OXR1: variants seen among roughly 807,000 people sequenced by gnomAD.
The protein encoded by OXR1 is oxidation resistance 1.
Under a neutral mutation model 104.6 loss-of-function variants are expected in OXR1, and 41 were observed. That is an observed-to-expected ratio of 0.39 (90% CI 0.31 to 0.51). The LOEUF (loss-of-function observed/expected upper bound fraction) is 0.51, where lower values mean the gene tolerates loss of function less well. Ranked by LOEUF, OXR1 falls within the 20% of genes least tolerant of loss-of-function variation. OXR1 has a pLI of 0.77. For synonymous variants in OXR1, 348 were observed against 348.4 expected (o/e 1.00, Z 0.01); for missense variants, 955 against 1,031.9 (o/e 0.93, Z 1.02).
intron 3 of OXR1, among the ~76,000 whole-genome samples, chr8:106,530,386 T>C (rs1563584408): frequency 1.3e-5 from 2 of 152,146 alleles, no homozygotes; most frequent in Admixed American, 6.5e-5. Flanking sequence ...CAGCCTTGAA[T>C]TCCTGGGCGC....
chr8:106,291,221 T>C (rs1210701979), intron 1 of OXR1, among the ~76,000 whole-genome samples: 1 of 152,138 alleles, frequency 6.6e-6, no homozygotes, highest in African/African-American at 2.4e-5. Flanking sequence ...CACTTATAAA[T>C]TGGAGCTAAA....
intron 9 of OXR1, among the ~76,000 whole-genome samples, chr8:106,709,595 G>A (rs912693854): frequency 6.7e-5 from 10 of 148,704 alleles, no homozygotes; most frequent in Admixed American, 4.0e-4. Flanking sequence ...TGTTGTGGGG[G>A]TTGGGGGTTT....
chr8:106,691,180 A>C (rs920435198), intron 6 of OXR1, among the ~76,000 whole-genome samples: 1 of 151,962 alleles, frequency 6.6e-6, no homozygotes, highest in Non-Finnish European at 1.5e-5. Context: ...ATGAGGCTAG[A>C]TAGATAGATA....
Position 106,684,366 on chromosome 8 carries a change from A to T in OXR1, c.525+7A>T, listed in dbSNP as rs764565606. Reference sequence around the variant, plus strand: ...TGAATTTGATAAGACCACTGTAAGTATCTCTGCTTTGCAAAGATGGCGATG... The same window carrying T: ...TGAATTTGATAAGACCACTGTAAGTTTCTCTGCTTTGCAAAGATGGCGATG... On this transcript the variant is annotated splice_region_variant and intron_variant, in intron 6 of 16. Coordinates refer to ENST00000517566, the MANE Select transcript of OXR1 (RefSeq NM_001198533.2). The T allele has an allele frequency of 9.5e-6, 13 of 1,369,420 alleles. No individual in the cohort carries two copies. Among genetic ancestry groups the T allele is most frequent in the Non-Finnish European group, 1.4e-5 (13 of 958,388 alleles). The allele number at this position is 1,369,420 out of a possible 1,614,324, so 84.8% of individuals were successfully genotyped here.
Position 106,694,438 on chromosome 8 carries a change from A to G in OXR1, c.675+1561A>G, listed in dbSNP as rs185984333. On this transcript the variant is annotated intron_variant, in intron 7 of 16. Coordinates refer to ENST00000517566, the MANE Select transcript of OXR1 (RefSeq NM_001198533.2). Reference sequence around the variant, plus strand: ...TTATATATATATTTAATATATATAAATATATTTTTATATATATTTGATATA... The same window carrying G: ...TTATATATATATTTAATATATATAAGTATATTTTTATATATATTTGATATA... 2.2e-3 allele frequency among the ~76,000 whole-genome samples: 308 copies of G among 137,654 alleles called. 1 individual carries two copies. Among genetic ancestry groups the G allele is most frequent in the African/African-American group, 7.8e-3 (291 of 37,096 alleles). 90.3% of individuals were successfully genotyped at this position (137,654 alleles called of 152,430 possible). A position where few individuals can be genotyped will look rare whatever the true frequency, so the allele number is the denominator to read the frequency against.
At chr8:106,561,698 T>C (rs892207731) in intron 3 of OXR1, among the ~76,000 whole-genome samples, 1 of 152,102 alleles carries the variant, frequency 6.6e-6, no homozygotes, top group African/African-American at 2.4e-5. Flanking sequence ...CTCCCAGCAA[T>C]GGTCGACAGA....
At chr8:106,403,286 T>A (rs1020634085) in intron 2 of OXR1, among the ~76,000 whole-genome samples, 1 of 152,242 alleles carries the variant, frequency 6.6e-6, no homozygotes, top group Non-Finnish European at 1.5e-5. Context: ...TCTACAAGAC[T>A]CAGCGTATTC....
At chr8:106,304,972 A>G (rs1813412797) in intron 1 of OXR1, among the ~76,000 whole-genome samples, 1 of 152,156 alleles carries the variant, frequency 6.6e-6, no homozygotes. Flanking sequence ...TGGTTGAGAA[A>G]AAGTATAAAT....
chr8:106,493,665 C>T (rs78122859), intron 2 of OXR1, among the ~76,000 whole-genome samples: 2,850 of 152,292 alleles, frequency 0.019, 38 homozygotes, highest in Middle Eastern at 0.034. Flanking sequence ...CCTGAGATTT[C>T]ACTATCTTCC....
chr8:106,487,346 T>TTTTA (rs2129810963), intron 2 of OXR1, among the ~76,000 whole-genome samples: 1 of 150,986 alleles, frequency 6.6e-6, no homozygotes, highest in South Asian at 2.1e-4. Flanking sequence ...TTTCTTTTTT[T>TTTTA]TTTTTTTTTA....
chr8:106,376,176 T>G (rs1015298787), intron 2 of OXR1, among the ~76,000 whole-genome samples: 46 of 152,338 alleles, frequency 3.0e-4, no homozygotes, highest in African/African-American at 1.1e-3. Context: ...GAATTAGCGC[T>G]GTGGCTCATT....
At chr8:106,510,959 T>C (rs1812483845) in intron 2 of OXR1, among the ~76,000 whole-genome samples, 2 of 152,234 alleles carry the variant, frequency 1.3e-5, no homozygotes, top group Middle Eastern at 3.2e-3. Flanking sequence ...AAAAGTAGAT[T>C]GAGTAATTCC....
intron 3 of OXR1, among the ~76,000 whole-genome samples, chr8:106,664,634 C>T (rs1288040164): frequency 2.0e-5 from 3 of 152,120 alleles, no homozygotes; most frequent in Admixed American, 6.5e-5. Flanking sequence ...TGCATACTTG[C>T]GTAATTGTTT....
At chr8:106,394,855 G>A (rs1170405684) in intron 2 of OXR1, among the ~76,000 whole-genome samples, 3 of 152,054 alleles carry the variant, frequency 2.0e-5, no homozygotes, top group African/African-American at 4.8e-5. Flanking sequence ...TACATTTCTC[G>A]AAGTCCACAG....
intron 3 of OXR1, among the ~76,000 whole-genome samples, chr8:106,646,754 A>G (rs968135789): frequency 6.6e-6 from 1 of 152,246 alleles, no homozygotes; most frequent in African/African-American, 2.4e-5. Context: ...AACCTCAAAG[A>G]AAGTGCAGGC....
intron 2 of OXR1, among the ~76,000 whole-genome samples, chr8:106,512,981 C>T (rs961281402): frequency 3.9e-5 from 6 of 152,110 alleles, no homozygotes; most frequent in African/African-American, 1.2e-4. Context: ...TTGGCGTTTG[C>T]CCTGGGCTTT....
At chr8:106,632,270 T>C (rs190330672) in intron 3 of OXR1, among the ~76,000 whole-genome samples, 1 of 152,352 alleles carries the variant, frequency 6.6e-6, no homozygotes, top group Admixed American at 6.5e-5. Flanking sequence ...TGCAGTAGCA[T>C]CCATTATTGA....
At chr8:106,703,213 C>T (rs535970296) in intron 8 of OXR1, 123 bp downstream of exon 8, 97 of 591,692 alleles carry the variant, frequency 1.6e-4, no homozygotes, top group African/African-American at 8.3e-4. Flanking sequence ...AATAATGAAA[C>T]GAAAATATAT....
Position 106,373,532 on chromosome 8 carries a change from A to G in OXR1, c.23+13896A>G, listed in dbSNP as rs1816790802. 1.3e-5 allele frequency among the ~76,000 whole-genome samples: 2 copies of G among 152,308 alleles called. 1 individual carries two copies. The highest frequency in any genetic ancestry group is 4.1e-4 in the South Asian group (2 of 4,826). On this transcript the variant is annotated intron_variant, in intron 2 of 16. Coordinates refer to ENST00000517566, the MANE Select transcript of OXR1 (RefSeq NM_001198533.2). ...TTTATTCTAAAATTATGACCTTTCT[A>G]TACTTTTCATGGTAAAATATGGTTT...
Sources: gnomAD v4.1 joint callset for allele counts (sites outside exome capture counted in the v4.1 genomes callset) on GRCh38, gnomAD v4.1.1 for gene constraint, MANE v1.5 for transcripts, NCBI Gene and HGNC (gene_info 2026-07-23, HGNC 2026-07-21) for gene names.